DMD: variants seen among roughly 807,000 people sequenced by gnomAD.
DMD encodes the protein dystrophin.
DMD carries 63 observed loss-of-function variants against 330.1 expected under a neutral mutation model. That is an observed-to-expected ratio of 0.19 (90% CI 0.16 to 0.24). The LOEUF is 0.24. Among genes scored for constraint, DMD ranks in the 10% least tolerant of loss-of-function variants. DMD has a pLI of 1.00. For missense variants in DMD, 3,344 were observed against 2,684.1 expected (o/e 1.25, Z -5.43); for synonymous variants, 1,223 against 959.8 (o/e 1.27, Z -5.07).
intron 44 of DMD, among the ~76,000 whole-genome samples, chrX:32,153,540 C>T (rs958647121): frequency 9.0e-5 from 10 of 111,559 alleles, no homozygotes; most frequent in Non-Finnish European, 1.9e-4. Context: ...ATCCACATTA[C>T]TGCAATCATC....
At chrX:32,595,163 G>C (rs1186512549) in intron 13 of DMD, among the ~76,000 whole-genome samples, 1 of 111,511 alleles carries the variant, frequency 9.0e-6, no homozygotes, top group Non-Finnish European at 1.9e-5. Context: ...GCAAATTAGG[G>C]ATAATCAGTA....
At chrX:33,117,821 T>A (rs1468041232) in intron 1 of DMD, among the ~76,000 whole-genome samples, 1 of 109,487 alleles carries the variant, frequency 9.1e-6, no homozygotes, top group Non-Finnish European at 1.9e-5. Flanking sequence ...TAATCAACTA[T>A]GGAAAGAAAA....
At chrX:31,268,726 T>G (rs979095353) in intron 62 of DMD, among the ~76,000 whole-genome samples, 2 of 112,482 alleles carry the variant, frequency 1.8e-5, no homozygotes, top group African/African-American at 6.5e-5. Flanking sequence ...ACTGTTTATG[T>G]TTATTTCAAC....
At chrX:32,475,365 A>G (rs1441227948) in intron 21 of DMD, among the ~76,000 whole-genome samples, 1 of 111,033 alleles carries the variant, frequency 9.0e-6, no homozygotes, top group African/African-American at 3.3e-5. Flanking sequence ...TATTAATTTT[A>G]GAATTTTTTT....
chrX:31,925,068 AC>A (rs1463108483), intron 47 of DMD, among the ~76,000 whole-genome samples: 1 of 112,363 alleles, frequency 8.9e-6, no homozygotes, highest in Non-Finnish European at 1.9e-5. Flanking sequence ...GCTATATTAC[AC>A]AACTGTAAAT....
intron 53 of DMD, among the ~76,000 whole-genome samples, chrX:31,677,066 C>T (rs940675017): frequency 5.7e-4 from 5 of 8,835 alleles, no homozygotes; most frequent in Non-Finnish European, 8.5e-4. Context: ...CATTCCAAAG[C>T]GTTTTTTTTT....
chrX:32,248,265 G>T (rs72626028), intron 43 of DMD, among the ~76,000 whole-genome samples: 1,422 of 111,235 alleles, frequency 0.013, 22 homozygotes, highest in East Asian at 0.098. Context: ...TGAAAATGCC[G>T]TTCTTAAATT....
intron 65 of DMD, among the ~76,000 whole-genome samples, chrX:31,208,980 G>A (rs769373646): frequency 8.9e-6 from 1 of 111,940 alleles, no homozygotes; most frequent in East Asian, 2.8e-4. Flanking sequence ...AAAAACAAAA[G>A]AAAACGAAAA....
At chrX:32,359,839 T>C (rs761982827) in intron 37 of DMD, among the ~76,000 whole-genome samples, 1 of 110,939 alleles carries the variant, frequency 9.0e-6, no homozygotes, top group African/African-American at 3.3e-5. Context: ...AACTCTATTA[T>C]TTTCCAATTT....
intron 55 of DMD, among the ~76,000 whole-genome samples, chrX:31,608,621 C>T (rs1337484305): frequency 2.7e-5 from 3 of 111,834 alleles, no homozygotes; most frequent in African/African-American, 9.7e-5. Context: ...ATGCAACAAT[C>T]ATTTCTTTTC....
intron 44 of DMD, among the ~76,000 whole-genome samples, chrX:32,205,005 T>TCTCTCTCTCA (rs60181300): frequency 1.4e-4 from 4 of 29,241 alleles, no homozygotes; most frequent in African/African-American, 4.6e-4. Flanking sequence ...TCTCTCTCTC[T>TCTCTCTCTCA]CACATACACA....
rs753735800 is a variant in DMD, at chrX:33,276,600, C to T, written c.7+62659G>A. Among the ~76,000 whole-genome samples the T allele has an allele frequency of 4.5e-5, 5 of 111,687 alleles. No individual in the cohort carries two copies. The South Asian group carries it at 1.9e-3, about 42-fold the overall frequency. ...TTCTATAGAGCTCCCCAATTAAATTCAGCAAAATGATACTGGTATTGTAAG... is the reference window on the plus strand; with the variant it reads ...TTCTATAGAGCTCCCCAATTAAATTTAGCAAAATGATACTGGTATTGTAAG... On this transcript the variant is annotated intron_variant, in intron 1 of 17. Transcript: ENST00000288447.
intron 18 of DMD, among the ~76,000 whole-genome samples, chrX:32,513,266 A>G (rs1212717837): frequency 8.9e-6 from 1 of 112,358 alleles, no homozygotes; most frequent in African/African-American, 3.2e-5. Flanking sequence ...CCTGGCTATC[A>G]GTAGCTGATT....
chrX:31,951,122 CATATATAT>C (rs767693982), intron 45 of DMD, among the ~76,000 whole-genome samples: 1 of 65,373 alleles, frequency 1.5e-5, no homozygotes, highest in African/African-American at 6.9e-5. Context: ...TATATATATA[CATATATAT>C]ATATATATAT....
At chrX:32,485,720 A>AC (rs1335457330) in intron 20 of DMD, among the ~76,000 whole-genome samples, 1 of 91,962 alleles carries the variant, frequency 1.1e-5, no homozygotes, top group African/African-American at 3.7e-5. Flanking sequence ...TCCTGACCAA[A>AC]CAGGCAACCA....
chrX:31,889,082 A>T (rs1170188168), intron 47 of DMD, among the ~76,000 whole-genome samples: 1 of 111,851 alleles, frequency 8.9e-6, no homozygotes, highest in Non-Finnish European at 1.9e-5. Flanking sequence ...TTTTCTCAAG[A>T]CCTCAAACAT....
At chrX:31,529,358 C>G (rs1276758181) in intron 55 of DMD, among the ~76,000 whole-genome samples, 1 of 110,502 alleles carries the variant, frequency 9.0e-6, no homozygotes, top group Non-Finnish European at 1.9e-5. Flanking sequence ...CCACTCCAGC[C>G]TGGGTGACAG....
intron 53 of DMD, among the ~76,000 whole-genome samples, chrX:31,666,722 T>A (rs921745857): frequency 8.9e-5 from 10 of 111,970 alleles, no homozygotes; most frequent in Admixed American, 1.9e-4. Context: ...ACAGGTAACA[T>A]CTCAGAATAT....
intron 55 of DMD, among the ~76,000 whole-genome samples, chrX:31,548,960 T>C (rs1383298293): frequency 9.0e-6 from 1 of 111,126 alleles, no homozygotes; most frequent in Non-Finnish European, 1.9e-5. Flanking sequence ...AAACATGTAT[T>C]ACTTTAAAAA....
Sources: gnomAD v4.1 joint callset for allele counts (sites outside exome capture counted in the v4.1 genomes callset) on GRCh38, gnomAD v4.1.1 for gene constraint, MANE v1.5 for transcripts, NCBI Gene and HGNC (gene_info 2026-07-23, HGNC 2026-07-21) for gene names.